NCAM2: variants seen among roughly 807,000 people sequenced by gnomAD.
The protein encoded by NCAM2 is neural cell adhesion molecule 2.
A neutral mutation model predicts 98.1 loss-of-function variants in NCAM2; 30 were observed. The observed-to-expected ratio is 0.31, with a 90% CI of 0.23 to 0.41. The LOEUF (loss-of-function observed/expected upper bound fraction) is 0.41. NCAM2 is among the 10% of genes least tolerant of loss of function. NCAM2 has a pLI of 1.00. For synonymous variants in NCAM2, 368 were observed against 342.4 expected, an observed-to-expected ratio of 1.07 and a Z score of -0.83; for missense variants, 867 against 1,005.8, an observed-to-expected ratio of 0.86 and a Z score of 1.87.
chr21:21,033,811 T>C lies in NCAM2; in HGVS notation c.55+35193T>C, dbSNP rs532577518. Among the ~76,000 whole-genome samples, 246 of 152,320 alleles carry C rather than the reference T, an allele frequency of 1.6e-3. 1 individual carries two copies. The highest frequency in any genetic ancestry group is 5.6e-3 in the African/African-American group (232 of 41,568). On this transcript the variant is annotated intron_variant, in intron 1 of 17. Transcript: ENST00000400546. ...AGCCTGGCTGTTTATTTCACAAATA[T>C]AGATTTTTCTCTATAGATGCAAATC... is the stretch of plus-strand genomic sequence containing the variant.
chr21:21,109,595 C>T (rs1052271474), intron 1 of NCAM2, among the ~76,000 whole-genome samples: 2 of 152,026 alleles, frequency 1.3e-5, no homozygotes, highest in Non-Finnish European at 2.9e-5. Context: ...GTGGAAATGC[C>T]ATTTCCACCA....
chr21:21,078,954 A>G (rs568143939), intron 1 of NCAM2, among the ~76,000 whole-genome samples: 31 of 152,316 alleles, frequency 2.0e-4, no homozygotes, highest in African/African-American at 6.7e-4. Flanking sequence ...CAAACACTGC[A>G]TGTTCTCACT....
At chr21:21,502,291 A>G (rs992386301) in intron 15 of NCAM2, among the ~76,000 whole-genome samples, 1 of 151,966 alleles carries the variant, frequency 6.6e-6, no homozygotes, top group Admixed American at 6.6e-5. Flanking sequence ...CTATCCATGT[A>G]TCAAATTTAT....
At chr21:21,088,788 C>T (rs998758774) in intron 1 of NCAM2, among the ~76,000 whole-genome samples, 4 of 151,852 alleles carry the variant, frequency 2.6e-5, no homozygotes, top group South Asian at 2.1e-4. Context: ...GTCAGGAGAT[C>T]GAGACCGTGT....
chr21:21,027,404 A>G (rs893150678), intron 1 of NCAM2, among the ~76,000 whole-genome samples: 4 of 152,348 alleles, frequency 2.6e-5, no homozygotes, highest in African/African-American at 7.2e-5. Context: ...TTTTCCTGCC[A>G]GGAACTATAA....
chr21:21,402,358 A>G (rs1479944403), intron 9 of NCAM2, among the ~76,000 whole-genome samples: 1 of 152,072 alleles, frequency 6.6e-6, no homozygotes, highest in Non-Finnish European at 1.5e-5. Flanking sequence ...TATGTGGTTG[A>G]GATAAGGACT....
chr21:21,233,946 T>A (rs2147198753), intron 1 of NCAM2, among the ~76,000 whole-genome samples: 1 of 151,864 alleles, frequency 6.6e-6, no homozygotes, highest in East Asian at 1.9e-4. Context: ...TTTTATGTCA[T>A]GTGTGATGGA....
intron 9 of NCAM2, among the ~76,000 whole-genome samples, chr21:21,376,533 A>G (rs2076036010): frequency 6.6e-6 from 1 of 152,022 alleles, no homozygotes; most frequent in South Asian, 2.1e-4. Context: ...ATACATAATT[A>G]CATGAGATTT....
At chr21:21,512,362 T>C (rs1295766564) in intron 16 of NCAM2, among the ~76,000 whole-genome samples, 1 of 151,980 alleles carries the variant, frequency 6.6e-6, no homozygotes, top group Non-Finnish European at 1.5e-5. Context: ...CTATCTCCAA[T>C]GTCTTGGCAG....
intron 1 of NCAM2, among the ~76,000 whole-genome samples, chr21:21,084,435 C>G (rs1234919512): frequency 6.6e-6 from 1 of 152,188 alleles, no homozygotes; most frequent in African/African-American, 2.4e-5. Flanking sequence ...TATAACCACA[C>G]TCATTTGTCT....
At chr21:21,152,261 G>A (rs1239291643) in intron 1 of NCAM2, among the ~76,000 whole-genome samples, 1 of 151,962 alleles carries the variant, frequency 6.6e-6, no homozygotes. Flanking sequence ...TAGCTTTAAA[G>A]TTCCGTTTTA....
chr21:21,110,568 G>A (rs1011601137), intron 1 of NCAM2, among the ~76,000 whole-genome samples: 8 of 150,716 alleles, frequency 5.3e-5, no homozygotes, highest in African/African-American at 1.9e-4. Flanking sequence ...AACAAAATAT[G>A]AACAAAAAAT....
At position 21,011,512 on chromosome 21, in the gene NCAM2, G is replaced by A. The variant is rs143113030; in HGVS notation, c.55+12894G>A. Among the ~76,000 whole-genome samples the A allele has an allele frequency of 3.0e-4, 45 of 152,022 alleles. 1 individual carries two copies. Among genetic ancestry groups the A allele is most frequent in the Non-Finnish European group, 5.3e-4 (36 of 67,946 alleles). ...TATATGGCATGATTTTTTGACGTACGTATGTATTGTGAAATTATTATATCA... is the reference window on the plus strand; with the variant it reads ...TATATGGCATGATTTTTTGACGTACATATGTATTGTGAAATTATTATATCA... On this transcript the variant is annotated intron_variant, in intron 1 of 17. Coordinates refer to ENST00000400546, the MANE Select transcript of NCAM2 (RefSeq NM_004540.5).
intron 1 of NCAM2, among the ~76,000 whole-genome samples, chr21:21,275,433 C>CT (rs2147461286): frequency 6.7e-6 from 1 of 150,284 alleles, no homozygotes; most frequent in South Asian, 2.1e-4. Context: ...GAGCGAGACT[C>CT]TGTCATAAAA....
At chr21:21,234,123 T>C (rs1443828459) in intron 1 of NCAM2, among the ~76,000 whole-genome samples, 2 of 151,826 alleles carry the variant, frequency 1.3e-5, no homozygotes, top group African/African-American at 4.8e-5. Context: ...AATTTATTAA[T>C]ATTGGATTGC....
intron 5 of NCAM2, among the ~76,000 whole-genome samples, chr21:21,320,143 A>G (rs1449083218): frequency 6.6e-6 from 1 of 152,192 alleles, no homozygotes; most frequent in Non-Finnish European, 1.5e-5. Flanking sequence ...CAAATTAGGA[A>G]CAACCATGTG....
chr21:21,397,357 T>C (rs989412912), intron 9 of NCAM2, among the ~76,000 whole-genome samples: 10 of 152,160 alleles, frequency 6.6e-5, no homozygotes, highest in Non-Finnish European at 1.3e-4. Context: ...CAACATGTTG[T>C]ATATGGCCCC....
intron 13 of NCAM2, among the ~76,000 whole-genome samples, chr21:21,468,349 T>G (rs1602429548): frequency 6.6e-6 from 1 of 151,992 alleles, no homozygotes; most frequent in Non-Finnish European, 1.5e-5. Context: ...GATTTAATAC[T>G]ATTAATAATA....
At chr21:21,459,940 A>C (rs1488540587) in intron 12 of NCAM2, among the ~76,000 whole-genome samples, 1 of 152,004 alleles carries the variant, frequency 6.6e-6, no homozygotes, top group Non-Finnish European at 1.5e-5. Flanking sequence ...TAAGTGTACA[A>C]ATACAAACAT....
Sources: allele counts gnomAD v4.1 joint callset (sites outside exome capture counted in the v4.1 genomes callset), GRCh38; gene constraint gnomAD v4.1.1; transcripts MANE v1.5; gene names NCBI Gene and HGNC (gene_info 2026-07-23, HGNC 2026-07-21).